MTFR1: variants seen among roughly 807,000 people sequenced by gnomAD.
MTFR1 encodes the protein mitochondrial fission regulator 1.
Under a neutral mutation model 38.8 loss-of-function variants are expected in MTFR1, and 28 were observed. The ratio of observed to expected loss-of-function variants is 0.72; its 90% CI spans 0.53 to 0.99. The LOEUF is 0.99. Among genes scored for constraint, MTFR1 ranks in the 50% least tolerant of loss-of-function variants. MTFR1 has a pLI of 0.00. For missense variants in MTFR1, 358 were observed against 395.5 expected, an observed-to-expected ratio of 0.91 and a Z score of 0.81; for synonymous variants, 145 against 137.0, an observed-to-expected ratio of 1.06 and a Z score of -0.41.
At chr8:65,741,847 T>C (rs1283943971) in intron 3 of MTFR1, among the ~76,000 whole-genome samples, 2 of 152,242 alleles carry the variant, frequency 1.3e-5, no homozygotes, top group Non-Finnish European at 2.9e-5. Context: ...TTCTAGGATG[T>C]AGAATAAGTT....
At chr8:65,734,575 C>G (rs1299224007) in intron 3 of MTFR1, among the ~76,000 whole-genome samples, 1 of 152,168 alleles carries the variant, frequency 6.6e-6, no homozygotes, top group Non-Finnish European at 1.5e-5. Flanking sequence ...CTGGCCCTTG[C>G]TTGGGCTTCT....
intron 3 of MTFR1, chr8:65,739,514 G>A (rs372478977): frequency 4.5e-6 from 7 of 1,559,764 alleles, no homozygotes; most frequent in South Asian, 3.8e-5. Context: ...AAAAATCTAC[G>A]AAGTTTCATC....
chr8:65,757,359 C>T (rs138416883), intron 3 of MTFR1, among the ~76,000 whole-genome samples: 15 of 152,292 alleles, frequency 9.8e-5, no homozygotes, highest in Non-Finnish European at 1.6e-4. Context: ...CACAGGTCAT[C>T]CCCTGGTTTT....
chr8:65,713,439 A>AACAC (rs144454204), downstream of MTFR1, among the ~76,000 whole-genome samples: 5,794 of 137,440 alleles, frequency 0.042, 128 homozygotes, highest in African/African-American at 0.059. Flanking sequence ...TCCCATCTCA[A>AACAC]ACACACACAC....
At chr8:65,763,680 A>G (rs1239081700) in intron 3 of MTFR1, among the ~76,000 whole-genome samples, 1 of 152,240 alleles carries the variant, frequency 6.6e-6, no homozygotes, top group African/African-American at 2.4e-5. Flanking sequence ...GACGCTGAAC[A>G]TAGCATAGCT....
At chr8:65,764,253 A>C (rs1036941089) in intron 3 of MTFR1, among the ~76,000 whole-genome samples, 1 of 152,220 alleles carries the variant, frequency 6.6e-6, no homozygotes, top group Non-Finnish European at 1.5e-5. Context: ...GTTTGCTCTG[A>C]AACAACCTGA....
intron 3 of MTFR1, among the ~76,000 whole-genome samples, chr8:65,755,314 C>T (rs913372767): frequency 1.3e-5 from 2 of 152,156 alleles, no homozygotes; most frequent in Non-Finnish European, 2.9e-5. Context: ...AGCCATCATG[C>T]CCGGCCCATT....
At chr8:65,649,629 C>T (rs745540498) in intron 1 of MTFR1, among the ~76,000 whole-genome samples, 1 of 152,184 alleles carries the variant, frequency 6.6e-6, no homozygotes, top group East Asian at 1.9e-4. Flanking sequence ...AGTATTTATC[C>T]TTTCTTTGTG....
the MTFR1 span, among the ~76,000 whole-genome samples, chr8:65,776,678 ATTATG>A: frequency 2.0e-5 from 3 of 152,210 alleles, no homozygotes; most frequent in African/African-American, 7.2e-5. Context: ...CAAATTATAT[ATTATG>A]TTAATTTTGT....
chr8:65,677,258 C>T (rs1475524700), intron 2 of MTFR1, among the ~76,000 whole-genome samples: 11 of 149,040 alleles, frequency 7.4e-5, no homozygotes, highest in Non-Finnish European at 4.5e-5. Flanking sequence ...TTAGTAGAGA[C>T]GGGGTTTCGC....
At chr8:65,730,194 TTTTGAGATGGAG>T (rs1806809412) in intron 3 of MTFR1, among the ~76,000 whole-genome samples, 1 of 140,192 alleles carries the variant, frequency 7.1e-6, no homozygotes, top group Non-Finnish European at 1.5e-5. Context: ...TTTTTTTTTT[TTTTGAGATGGAG>T]TTTCGCTCTT....
At chr8:65,724,994 A>G (rs1806550335) in intron 3 of MTFR1, 1 of 982,238 alleles carries the variant, frequency 1.0e-6, no homozygotes, top group Non-Finnish European at 1.5e-6. Context: ...TTTCTTAACC[A>G]TAATAATCGG....
Position 65,704,940 on chromosome 8 carries a change from C to A in MTFR1, c.517+11C>A, listed in dbSNP as rs1585798934. The stretch of plus-strand genomic sequence containing the variant: ...AAAATCTCACTGCAGGTCTGTAAGT[C>A]CTACATTTGTTAGTTTTAACTTGCA... On this transcript the variant is annotated intron_variant, in intron 5 of 7. Transcript: ENST00000262146. 1 of 1,560,368 alleles carries A rather than the reference C, an allele frequency of 6.4e-7. No homozygotes were observed. Among genetic ancestry groups the A allele is most frequent in the South Asian group, 1.2e-5 (1 of 86,060 alleles).
chr8:65,704,525 A>G (rs1207136944), intron 4 of MTFR1, among the ~76,000 whole-genome samples, 169 bp from the exon 5 acceptor site: 6 of 152,228 alleles, frequency 3.9e-5, no homozygotes. Flanking sequence ...ATGTAACTAC[A>G]TAAGGTTGAC....
At chr8:65,693,092 A>G (rs1805330434) in intron 3 of MTFR1, among the ~76,000 whole-genome samples, 1 of 152,044 alleles carries the variant, frequency 6.6e-6, no homozygotes, top group East Asian at 1.9e-4. Context: ...TTAATTTTCT[A>G]GGATAGTTTT....
intron 3 of MTFR1, among the ~76,000 whole-genome samples, chr8:65,749,219 A>G (rs1009861959): frequency 2.0e-5 from 3 of 152,234 alleles, no homozygotes; most frequent in African/African-American, 7.2e-5. Context: ...CTTTCAGAAC[A>G]GGCATGAACT....
chr8:65,670,531 TGATA>T (rs1804540187), intron 2 of MTFR1, among the ~76,000 whole-genome samples: 1 of 152,232 alleles, frequency 6.6e-6, no homozygotes, highest in Admixed American at 6.5e-5. Context: ...TATTTTCTAC[TGATA>T]TATAAAGTTT....
At chr8:65,759,319 G>A (rs1219656358) in intron 3 of MTFR1, among the ~76,000 whole-genome samples, 1 of 152,174 alleles carries the variant, frequency 6.6e-6, no homozygotes, top group African/African-American at 2.4e-5. Flanking sequence ...ATGCCACTGG[G>A]GGAAACCCCT....
chr8:65,715,351 CAAAGAGAGACCCTGTCTCTATAAA>C (rs1352506153), downstream of MTFR1, among the ~76,000 whole-genome samples: 1 of 149,888 alleles, frequency 6.7e-6, no homozygotes, highest in Non-Finnish European at 1.5e-5. Context: ...GCCAAGCCAA[CAAAGAGAGACCCTGTCTCTATAAA>C]AAAGTTTTTT....
Sources: gnomAD v4.1 joint callset for allele counts (sites outside exome capture counted in the v4.1 genomes callset) on GRCh38, gnomAD v4.1.1 for gene constraint, MANE v1.5 for transcripts, NCBI Gene and HGNC (gene_info 2026-07-23, HGNC 2026-07-21) for gene names.